Variants in RHOBTB3 observed in about 807,000 individuals in gnomAD.
RHOBTB3 encodes Rho related BTB domain containing 3, also known as rho-related BTB domain-containing protein 3.
RHOBTB3 carries 47 observed loss-of-function variants against 67.2 expected under a neutral mutation model. That is an observed-to-expected ratio of 0.70 (90% confidence interval 0.55 to 0.89). The LOEUF (loss-of-function observed/expected upper bound fraction) is 0.89, where lower values mean the gene tolerates loss of function less well. RHOBTB3 is among the 40% of genes least tolerant of loss of function. The pLI is 0.00. For synonymous variants in RHOBTB3, 273 were observed against 274.2 expected (o/e 1.00, Z 0.04); for missense variants, 631 against 750.0 (o/e 0.84, Z 1.85).
At chr5:95,718,642 C>G (rs553460343) in intron 1 of RHOBTB3, among the ~76,000 whole-genome samples, 121 of 152,280 alleles carry the variant, frequency 7.9e-4, no homozygotes, top group Middle Eastern at 3.4e-3. Context: ...TCAATATGCA[C>G]TATTTTGAGA....
chr5:95,731,541 C>A lies in RHOBTB3; in HGVS notation c.-142C>A. 7.1e-7 allele frequency: 1 copy of A among 1,414,232 alleles called. No homozygotes were observed. Among genetic ancestry groups the A allele is most frequent in the African/African-American group, 1.5e-5 (1 of 66,512 alleles). The allele number at this position is 1,414,232 out of a possible 1,614,324, so 87.6% of individuals were successfully genotyped here. On this transcript the variant is annotated 5_prime_UTR_variant, in exon 1 of 12. Coordinates refer to ENST00000379982, the MANE Select transcript of RHOBTB3 (RefSeq NM_014899.4). ...GCGCGGCCCCGGCCCCGCTCTGCGT[C>A]GGCCCCGCCGCGGTGGAGGCGCGCG...
chr5:95,779,400 A>G (rs1250861665), intron 8 of RHOBTB3, among the ~76,000 whole-genome samples: 1 of 152,136 alleles, frequency 6.6e-6, no homozygotes, highest in Non-Finnish European at 1.5e-5. Context: ...TCCAGGCTGA[A>G]CTGAAGGCTG....
At chr5:95,785,371 C>A (rs1321843132) in intron 10 of RHOBTB3, among the ~76,000 whole-genome samples, 2 of 152,146 alleles carry the variant, frequency 1.3e-5, no homozygotes, top group African/African-American at 4.8e-5. Context: ...GCTGGCGGAT[C>A]ACGAGGTCAG....
intron 8 of RHOBTB3, among the ~76,000 whole-genome samples, chr5:95,778,954 C>T (rs1028223013): frequency 6.6e-6 from 1 of 152,182 alleles, no homozygotes; most frequent in East Asian, 1.9e-4. Flanking sequence ...ATGGCAGTGC[C>T]GAGCAGTAGG....
chr5:95,772,011 AAGG>A (rs1299009356), intron 8 of RHOBTB3, among the ~76,000 whole-genome samples: 1 of 152,168 alleles, frequency 6.6e-6, no homozygotes, highest in Non-Finnish European at 1.5e-5. Context: ...ATTCTGAAAG[AAGG>A]AGAATGATGC....
intron 5 of RHOBTB3, among the ~76,000 whole-genome samples, chr5:95,753,291 G>A (rs1745147749): frequency 6.6e-6 from 1 of 151,324 alleles, no homozygotes; most frequent in Non-Finnish European, 1.5e-5. Flanking sequence ...AGAGATAAGG[G>A]GAAAATAAAA....
At chr5:95,737,418 T>G (rs1319022751) in intron 3 of RHOBTB3, among the ~76,000 whole-genome samples, 1 of 152,156 alleles carries the variant, frequency 6.6e-6, no homozygotes, top group African/African-American at 2.4e-5. Flanking sequence ...TCTACCTGAT[T>G]GGGAAGGATA....
chr5:95,773,546 G>A (rs1276028398), intron 8 of RHOBTB3, among the ~76,000 whole-genome samples: 1 of 152,204 alleles, frequency 6.6e-6, no homozygotes, highest in Non-Finnish European at 1.5e-5. Context: ...GTGTCTGTGG[G>A]CAAGTCACCT....
intron 3 of RHOBTB3, among the ~76,000 whole-genome samples, chr5:95,747,270 A>G (rs2112789785): frequency 6.6e-6 from 1 of 152,280 alleles, no homozygotes; most frequent in Admixed American, 6.5e-5. Flanking sequence ...CCCCTGTAGG[A>G]TCAGCTTTGG....
At chr5:95,752,410 C>A in intron 5 of RHOBTB3, 60 bp downstream of exon 5, 2 of 1,108,248 alleles carry the variant, frequency 1.8e-6, no homozygotes, top group Non-Finnish European at 1.4e-6. Flanking sequence ...TCCTTTCTCA[C>A]AGGTCTTAGA....
At chr5:95,768,207 T>G in intron 8 of RHOBTB3, 41 bp downstream of exon 8, 1 of 1,565,404 alleles carries the variant, frequency 6.4e-7, no homozygotes, top group Non-Finnish European at 8.7e-7. Flanking sequence ...TCATTTTTAT[T>G]TCTTGTTTTC....
At chr5:95,759,735 T>C (rs981936664) in intron 6 of RHOBTB3, among the ~76,000 whole-genome samples, 1 of 152,258 alleles carries the variant, frequency 6.6e-6, no homozygotes, top group African/African-American at 2.4e-5. Context: ...ATACAAGTGT[T>C]AAGGCACAGT....
upstream of RHOBTB3, among the ~76,000 whole-genome samples, chr5:95,726,832 G>A (rs778044892): frequency 8.5e-5 from 13 of 152,136 alleles, no homozygotes; most frequent in Non-Finnish European, 1.8e-4. Context: ...CAGCCCTCCC[G>A]CTGCCCCTCA....
chr5:95,782,888 CAACA>C, intron 9 of RHOBTB3: 1 of 120,394 alleles, frequency 8.3e-6, no homozygotes, highest in Middle Eastern at 5.2e-3. Flanking sequence ...AAAAACAAAA[CAACA>C]AACCAACCAA....
intron 3 of RHOBTB3, among the ~76,000 whole-genome samples, chr5:95,741,523 G>GTTTTTTTTTTTTTTTTTTTTT (rs70978191): frequency 1.2e-5 from 1 of 84,852 alleles, no homozygotes; most frequent in Non-Finnish European, 2.2e-5. Flanking sequence ...CTTTCTTTCT[G>GTTTTTTTTTTTTTTTTTTTTT]TTTTTTTTTT....
At chr5:95,747,544 C>T (rs1037489381) in intron 3 of RHOBTB3, among the ~76,000 whole-genome samples, 9 of 152,152 alleles carry the variant, frequency 5.9e-5, no homozygotes, top group African/African-American at 2.2e-4. Flanking sequence ...ATCTGGCTGA[C>T]AAATATGGAG....
chr5:95,723,715 T>C (rs1754965518), intron 1 of RHOBTB3, among the ~76,000 whole-genome samples: 1 of 152,200 alleles, frequency 6.6e-6, no homozygotes, highest in African/African-American at 2.4e-5. Flanking sequence ...TTTCCCTATC[T>C]CTCCTTTACT....
intron 6 of RHOBTB3, among the ~76,000 whole-genome samples, chr5:95,756,974 C>T (rs1205456342): frequency 6.6e-6 from 1 of 152,150 alleles, no homozygotes; most frequent in Non-Finnish European, 1.5e-5. Flanking sequence ...CCTAGCTATT[C>T]ACTCTTCGGT....
rs1745342496 is a variant in RHOBTB3 at position 95,759,669 on chromosome 5, G to T, written c.1049-3839G>T. On this transcript the variant is annotated intron_variant, in intron 6 of 11. Transcript: ENST00000379982. Reference sequence around the variant, plus strand: ...GTTTTTCTCAGAGACTTCAGTAAATGGGCCAGGCTTGTTTTGTTTTGTTTT... The same window carrying T: ...GTTTTTCTCAGAGACTTCAGTAAATTGGCCAGGCTTGTTTTGTTTTGTTTT... 2.0e-5 allele frequency among the ~76,000 whole-genome samples: 3 copies of T among 152,336 alleles called. No homozygotes were observed. The South Asian group carries it at 6.2e-4, about 32-fold the overall frequency.
Sources: gnomAD v4.1 joint callset for allele counts (sites outside exome capture counted in the v4.1 genomes callset) on GRCh38, gnomAD v4.1.1 for gene constraint, MANE v1.5 for transcripts, NCBI Gene and HGNC (gene_info 2026-07-23, HGNC 2026-07-21) for gene names.